Variants in CSDE1 observed in about 807,000 individuals in gnomAD.
The protein encoded by CSDE1 is cold shock domain containing E1.
In CSDE1, 17 loss-of-function variants were observed where a neutral mutation model predicts 89.3. The observed-to-expected ratio is 0.19, with a 90% confidence interval of 0.13 to 0.29. CSDE1 has a LOEUF of 0.29. Among genes scored for constraint, CSDE1 ranks in the 10% least tolerant of loss-of-function variants. CSDE1 has a pLI of 1.00. For missense variants in CSDE1, 672 were observed against 984.2 expected, an observed-to-expected ratio of 0.68 and a Z score of 4.24; for synonymous variants, 322 against 332.8, an observed-to-expected ratio of 0.97 and a Z score of 0.35.
At chr1:114,747,729 G>A (rs764923832) in intron 2 of CSDE1, among the ~76,000 whole-genome samples, 6 of 151,974 alleles carry the variant, frequency 3.9e-5, no homozygotes, top group African/African-American at 7.3e-5. Flanking sequence ...ATGGTGATGC[G>A]CGCCTGTAAT....
At chr1:114,725,366 A>G (rs761767290) in intron 14 of CSDE1, 33 bp from the exon 15 acceptor site, 3 of 1,513,542 alleles carry the variant, frequency 2.0e-6, no homozygotes, top group South Asian at 1.1e-5. Flanking sequence ...TTAACTAAAC[A>G]TTACCATAAA....
intron 12 of CSDE1, 47 bp downstream of exon 12, chr1:114,730,211 A>T: frequency 6.3e-7 from 1 of 1,588,060 alleles, no homozygotes. Flanking sequence ...TTAAAGCAGA[A>T]GAGAAATAAA....
intron 3 of CSDE1, among the ~76,000 whole-genome samples, chr1:114,738,621 T>A (rs1203718826): frequency 1.3e-5 from 2 of 151,580 alleles, no homozygotes; most frequent in African/African-American, 4.8e-5. Flanking sequence ...GGCCTCATAA[T>A]TTCAGTCCTT....
chr1:114,732,898 A>G (rs1021638332), intron 9 of CSDE1, 82 bp from the exon 10 acceptor site: 5 of 1,204,808 alleles, frequency 4.2e-6, no homozygotes, highest in Non-Finnish European at 6.0e-6. Flanking sequence ...CACATAGTAA[A>G]CCCATGTTAT....
chr1:114,732,208 T>C (rs1188764524), intron 10 of CSDE1, among the ~76,000 whole-genome samples: 1 of 152,168 alleles, frequency 6.6e-6, no homozygotes, highest in East Asian at 1.9e-4. Context: ...TCTTTTGGCT[T>C]CCCTGGACCA....
Position 114,718,190 on chromosome 1 carries a change from A to G in CSDE1, c.2376T>C (p.Arg792=). The G allele has an allele frequency of 6.2e-7, 1 of 1,614,074 alleles. No homozygotes were observed. The highest frequency in any genetic ancestry group is 8.5e-7 in the Non-Finnish European group (1 of 1,180,006). Residue 792 remains arginine (R), a synonymous_variant, in exon 20 of 20, where the codon CGT becomes CGC. Coordinates refer to ENST00000358528, the MANE Select transcript of CSDE1 (RefSeq NM_001007553.3). ...SMGFGAERKI[R]QAGVID ...GTGGTTAGTCAATGACACCAGCTTGACGGATCTTTCTTTCTGCACCAAACC... is the reference window on the plus strand; with the variant it reads ...GTGGTTAGTCAATGACACCAGCTTGGCGGATCTTTCTTTCTGCACCAAACC...
intron 2 of CSDE1, chr1:114,741,420 G>A (rs374752032): frequency 2.8e-6 from 3 of 1,074,246 alleles, no homozygotes; most frequent in Non-Finnish European, 2.5e-6. Flanking sequence ...GATTCGGGAA[G>A]TTAGAAGGTG....
intron 16 of CSDE1, among the ~76,000 whole-genome samples, chr1:114,723,398 G>C (rs1339772346): frequency 1.3e-5 from 2 of 152,164 alleles, no homozygotes; most frequent in Non-Finnish European, 2.9e-5. Context: ...GAGAATGAAA[G>C]GAAGCCTGAG....
At chr1:114,747,569 A>G (rs74511873) in intron 2 of CSDE1, among the ~76,000 whole-genome samples, 7,319 of 152,282 alleles carry the variant, frequency 0.048, 229 homozygotes, top group South Asian at 0.1. Flanking sequence ...AAGCCTTAAT[A>G]TCTAATCTTG....
rs768378935 is a variant in CSDE1, at chr1:114,730,430, T to C, written c.1192-8A>G. The stretch of plus-strand genomic sequence containing the variant: ...TTGAGCAGAGAGCATATCCTAAAAA[T>C]GATAAAACAAAATTAACTTTCAATT... On this transcript the variant is annotated splice_polypyrimidine_tract_variant and splice_region_variant and intron_variant, in intron 11 of 19. Coordinates refer to ENST00000358528, the MANE Select transcript of CSDE1 (RefSeq NM_001007553.3). 11 of 1,610,468 alleles carry C rather than the reference T, an allele frequency of 6.8e-6. No individual in the cohort carries two copies. The highest frequency in any genetic ancestry group is 7.6e-6 in the Non-Finnish European group (9 of 1,178,910).
chr1:114,743,791 A>G (rs1217193305), intron 2 of CSDE1, among the ~76,000 whole-genome samples: 2 of 152,182 alleles, frequency 1.3e-5, no homozygotes, highest in African/African-American at 4.8e-5. Flanking sequence ...GACACATACC[A>G]AAAGAGTTGA....
rs1660463992 is a variant in CSDE1 at position 114,737,415 on chromosome 1, G to A, written c.402+56C>T. On this transcript the variant is annotated intron_variant, in intron 5 of 19. Transcript: ENST00000358528. ...TTTTCTATTTTGAATTTTAAAGTAC[G>A]CTTATAGATCACATGGTGGATCAGG... The A allele has an allele frequency of 1.1e-5, 14 of 1,317,314 alleles. No homozygotes were observed. The South Asian group carries it at 1.2e-4, about 12-fold the overall frequency. 81.6% of individuals were successfully genotyped at this position (1,317,314 alleles called of 1,614,324 possible).
At chr1:114,738,673 T>TA (rs1429200087) in intron 3 of CSDE1, among the ~76,000 whole-genome samples, 6 of 131,890 alleles carry the variant, frequency 4.5e-5, no homozygotes, top group Admixed American at 7.4e-5. Context: ...TTTTTTTTTT[T>TA]TTTTTTTTTT....
At chr1:114,731,591 T>C (rs970792929) in intron 10 of CSDE1, among the ~76,000 whole-genome samples, 6 of 152,152 alleles carry the variant, frequency 3.9e-5, no homozygotes, top group African/African-American at 1.4e-4. Flanking sequence ...TAAATGCAAA[T>C]TATGTCTGAG....
intron 1 of CSDE1, among the ~76,000 whole-genome samples, chr1:114,757,174 C>G (rs1198998183): frequency 2.0e-5 from 3 of 152,114 alleles, no homozygotes; most frequent in Non-Finnish European, 4.4e-5. Flanking sequence ...TCTCAAGACG[C>G]CGAAGGGGAG....
chr1:114,749,210 T>C (rs1400193761), intron 2 of CSDE1, among the ~76,000 whole-genome samples: 1 of 152,244 alleles, frequency 6.6e-6, no homozygotes, highest in Non-Finnish European at 1.5e-5. Flanking sequence ...TTCAGTTATA[T>C]TCTTAATATT....
At chr1:114,728,973 G>A (rs566302203) in intron 12 of CSDE1, among the ~76,000 whole-genome samples, 1 of 152,248 alleles carries the variant, frequency 6.6e-6, no homozygotes, top group South Asian at 2.1e-4. Context: ...TAATTTCATA[G>A]TAATCCTTTT....
intron 10 of CSDE1, among the ~76,000 whole-genome samples, chr1:114,731,434 A>G (rs1272415910): frequency 6.6e-6 from 1 of 152,070 alleles, no homozygotes; most frequent in Non-Finnish European, 1.5e-5. Flanking sequence ...ACAAACTTTT[A>G]AAGTTAAATA....
intron 12 of CSDE1, among the ~76,000 whole-genome samples, chr1:114,727,461 A>G (rs1447235140): frequency 6.6e-6 from 1 of 152,220 alleles, no homozygotes. Context: ...TATTTCCTAA[A>G]GAAGCTGCTG....
Sources: gnomAD v4.1 joint callset for allele counts (sites outside exome capture counted in the v4.1 genomes callset) on GRCh38, gnomAD v4.1.1 for gene constraint, MANE v1.5 for transcripts, NCBI Gene and HGNC (gene_info 2026-07-23, HGNC 2026-07-21) for gene names.